The following ARHGEF6 variants were observed in gnomAD, a reference collection of about 807,000 sequenced individuals.
ARHGEF6 encodes rho guanine nucleotide exchange factor 6.
Under a neutral mutation model 70.3 loss-of-function variants are expected in ARHGEF6, and 9 were observed. The ratio of observed to expected loss-of-function variants is 0.13; its 90% confidence interval spans 0.08 to 0.22. ARHGEF6 has a LOEUF of 0.22. Ranked by LOEUF, ARHGEF6 falls within the 10% of genes least tolerant of loss-of-function variation. The pLI is 1.00. For missense variants in ARHGEF6, 470 were observed against 563.0 expected, an observed-to-expected ratio of 0.83 and a Z score of 1.67; for synonymous variants, 201 against 207.8, an observed-to-expected ratio of 0.97 and a Z score of 0.28.
chrX:136,773,244 C>T (rs1015949068), intron 2 of ARHGEF6, among the ~76,000 whole-genome samples: 1 of 112,330 alleles, frequency 8.9e-6, no homozygotes, highest in African/African-American at 3.2e-5. Context: ...TTCTAAGCAA[C>T]AGTCAAGCCC....
At chrX:136,754,868 T>G (rs1328204027) in intron 2 of ARHGEF6, among the ~76,000 whole-genome samples, 1 of 111,249 alleles carries the variant, frequency 9.0e-6, no homozygotes, top group Non-Finnish European at 1.9e-5. Flanking sequence ...TTTTGCGGTG[T>G]GGGGTGGATG....
At chrX:136,674,764 A>G (rs1393468787) in intron 19 of ARHGEF6, among the ~76,000 whole-genome samples, 2 of 111,126 alleles carry the variant, frequency 1.8e-5, no homozygotes, top group Admixed American at 9.5e-5. Context: ...CACTTCTATC[A>G]CCTCCAACTC....
chrX:136,729,479 A>G (rs2076911465), intron 6 of ARHGEF6, among the ~76,000 whole-genome samples: 1 of 101,651 alleles, frequency 9.8e-6, no homozygotes, highest in East Asian at 3.1e-4. Context: ...AAAAAAAAAA[A>G]AAAAAAAAAA....
chrX:136,678,967 C>T (rs1275790464), intron 16 of ARHGEF6, among the ~76,000 whole-genome samples: 2 of 111,569 alleles, frequency 1.8e-5, no homozygotes. Flanking sequence ...TACACAAAAC[C>T]TTTAAATCCC....
chrX:136,694,592 G>A (rs1462567740), intron 9 of ARHGEF6, among the ~76,000 whole-genome samples: 2 of 111,526 alleles, frequency 1.8e-5, no homozygotes, highest in Non-Finnish European at 3.8e-5. Flanking sequence ...AGTGAGGTCC[G>A]GATCTGTCTT....
intron 2 of ARHGEF6, among the ~76,000 whole-genome samples, chrX:136,770,701 TA>T (rs762227126): frequency 6.2e-5 from 7 of 112,701 alleles, no homozygotes; most frequent in Non-Finnish European, 1.3e-4. Flanking sequence ...AGATGAATAT[TA>T]AAAAATCAAT....
intron 4 of ARHGEF6, among the ~76,000 whole-genome samples, chrX:136,744,895 A>G (rs1247289931): frequency 8.9e-6 from 1 of 112,457 alleles, no homozygotes; most frequent in Non-Finnish European, 1.9e-5. Context: ...ATTTAGTTCT[A>G]ATAAAACAAG....
At chrX:136,747,684 G>C (rs781540816) in intron 2 of ARHGEF6, 92 bp from the exon 3 acceptor site, 14 of 126,398 alleles carry the variant, frequency 1.1e-4, no homozygotes, top group Non-Finnish European at 1.2e-4. Context: ...CAGCTCTCCG[G>C]AAAAAAAAAA....
chrX:136,685,653 A>AT (rs2076377888), intron 12 of ARHGEF6, 24 bp downstream of exon 12: 2 of 1,197,374 alleles, frequency 1.7e-6, no homozygotes, highest in African/African-American at 1.8e-5. Flanking sequence ...GGAAGAAATA[A>AT]TGTTGAGATT....
intron 18 of ARHGEF6, among the ~76,000 whole-genome samples, chrX:136,676,201 G>C (rs1002699247): frequency 1.8e-5 from 2 of 112,251 alleles, no homozygotes; most frequent in African/African-American, 6.5e-5. Context: ...ATGTGGGCAG[G>C]CTGATTCCCT....
chrX:136,709,962 T>C (rs2076666716), intron 7 of ARHGEF6, among the ~76,000 whole-genome samples: 1 of 108,534 alleles, frequency 9.2e-6, no homozygotes, highest in Non-Finnish European at 1.9e-5. Flanking sequence ...TAAGACTCTG[T>C]CAAAAAATAA....
At chrX:136,716,245 C>A (rs1162792145) in intron 6 of ARHGEF6, among the ~76,000 whole-genome samples, 1 of 112,496 alleles carries the variant, frequency 8.9e-6, no homozygotes, top group African/African-American at 3.2e-5. Context: ...CCGGCCTGAG[C>A]ATAACCTATT....
In ARHGEF6 at chrX:136,780,748, G is replaced by C. The variant is rs767913547; in HGVS notation, c.135C>G (p.Ile45Met). Reference sequence around the variant, plus strand: ...CCACAGAGCCAGGCATGAGTCTGTTGATCAGTTTGCACAGAACTACCCCAT... The same window carrying C: ...CCACAGAGCCAGGCATGAGTCTGTTCATCAGTTTGCACAGAACTACCCCAT... ...LKNGVVLCKL[I>M]NRLMPGSVEK... The change falls in exon 1 of 22, where the codon ATC (isoleucine) becomes ATG (methionine). Residue 45 changes from isoleucine (I) to methionine (M), a missense_variant. Ile to Met is a conservative substitution (Grantham distance 10, BLOSUM62 1). This residue lies in a region of ARHGEF6 where 379 missense variants were observed against 449.3 expected (regional missense o/e 0.84). Transcript: ENST00000250617. 1 of 1,211,103 alleles carries C rather than the reference G, an allele frequency of 8.3e-7. No individual in the cohort carries two copies. The highest frequency in any genetic ancestry group is 1.1e-6 in the Non-Finnish European group (1 of 895,202).
chrX:136,708,651 C>T lies in ARHGEF6; in HGVS notation c.923+24G>A, dbSNP rs2076651909. 3 of 1,158,525 alleles carry T rather than the reference C, an allele frequency of 2.6e-6. No individual in the cohort carries two copies. The African/African-American group carries it at 5.3e-5, about 20-fold the overall frequency. On this transcript the variant is annotated intron_variant, in intron 8 of 21. Transcript: ENST00000250617. ...ACAAACAGCAATGTTGCTGGCTATCCTATCAGAAATATGCCACACTTACTT... is the reference window on the plus strand; with the variant it reads ...ACAAACAGCAATGTTGCTGGCTATCTTATCAGAAATATGCCACACTTACTT...
At chrX:136,754,280 G>A (rs2077181841) in intron 2 of ARHGEF6, among the ~76,000 whole-genome samples, 1 of 111,270 alleles carries the variant, frequency 9.0e-6, no homozygotes, top group Non-Finnish European at 1.9e-5. Flanking sequence ...TTAAATAAAG[G>A]GAGAGCAAAA....
chrX:136,686,709 CATATATATAT>C (rs35706788), intron 11 of ARHGEF6, among the ~76,000 whole-genome samples: 16 of 63,124 alleles, frequency 2.5e-4, no homozygotes, highest in African/African-American at 6.4e-4. Context: ...TATATATATA[CATATATATAT>C]ATATATATAT....
chrX:136,709,778 G>A (rs1285430251), intron 7 of ARHGEF6, among the ~76,000 whole-genome samples: 2 of 109,538 alleles, frequency 1.8e-5, no homozygotes, highest in South Asian at 7.8e-4. Context: ...CAGCCTGGCC[G>A]ACATGGTGAA....
chrX:136,731,333 A>T (rs1038154896), intron 6 of ARHGEF6, among the ~76,000 whole-genome samples: 6 of 111,906 alleles, frequency 5.4e-5, no homozygotes, highest in African/African-American at 2.0e-4. Flanking sequence ...CGCACATAGA[A>T]CACTGGGTAA....
At chrX:136,729,849 T>A in intron 6 of ARHGEF6, among the ~76,000 whole-genome samples, 1 of 109,892 alleles carries the variant, frequency 9.1e-6, no homozygotes, top group Middle Eastern at 4.6e-3. Flanking sequence ...AAAATCTTTA[T>A]GAAAAAGAAA....
Sources: allele counts gnomAD v4.1 joint callset (sites outside exome capture counted in the v4.1 genomes callset), GRCh38; gene constraint gnomAD v4.1.1; regional missense constraint gnomAD v4.1.1; transcripts MANE v1.5; gene names NCBI Gene and HGNC (gene_info 2026-07-23, HGNC 2026-07-21).